The following SLC19A1 variants were observed in gnomAD, a reference collection of about 807,000 sequenced individuals.
The protein encoded by SLC19A1 is solute carrier family 19 member 1, also known as reduced folate transporter.
A neutral mutation model predicts 35.3 loss-of-function variants in SLC19A1; 37 were observed. The observed-to-expected ratio is 1.05, with a 90% CI of 0.81 to 1.38. The LOEUF (loss-of-function observed/expected upper bound fraction) is 1.38, where lower values mean the gene tolerates loss of function less well. Among genes scored for constraint, SLC19A1 ranks in the 40% most tolerant of loss-of-function variants. SLC19A1 has a pLI of 0.00. For synonymous variants in SLC19A1, 460 were observed against 398.5 expected, an observed-to-expected ratio of 1.15 and a Z score of -1.84; for missense variants, 831 against 826.9, an observed-to-expected ratio of 1.00 and a Z score of -0.06.
intron 3 of SLC19A1, among the ~76,000 whole-genome samples, chr21:45,504,793 G>T (rs767646662): frequency 1.3e-5 from 2 of 152,114 alleles, no homozygotes; most frequent in Admixed American, 6.5e-5. Flanking sequence ...CCTCCTGCTG[G>T]GGCCACGTGC....
At chr21:45,509,634 T>C (rs961598446), downstream of SLC19A1, 13 of 1,158,010 alleles carry the variant, frequency 1.1e-5, no homozygotes, top group Admixed American at 1.8e-4. Context: ...CTTGGCTCCA[T>C]CTAGCCCCTC....
At chr21:45,558,680 C>T (rs557941225) in intron 1 of SLC19A1, among the ~76,000 whole-genome samples, 7 of 152,246 alleles carry the variant, frequency 4.6e-5, no homozygotes, top group South Asian at 2.1e-4. Context: ...CTGAGGGAGT[C>T]GGGGCAGCCT....
At position 45,533,955 on chromosome 21, in the gene SLC19A1, C is replaced by A. The variant is rs2078021909; in HGVS notation, c.190-1807G>T. Among the ~76,000 whole-genome samples the A allele has an allele frequency of 6.6e-6, 1 of 152,022 alleles. No individual in the cohort carries two copies. Among genetic ancestry groups the A allele is most frequent in the South Asian group, 2.1e-4 (1 of 4,822 alleles). On this transcript the variant is annotated intron_variant, in intron 2 of 5. Coordinates refer to ENST00000311124, the MANE Select transcript of SLC19A1 (RefSeq NM_194255.4). This position sits in a 1 kb window ranked among gnomAD's most constrained non-coding sequence, Gnocchi z 4.5. ...TTCCCAGGGGCTCAGGGGAAGGCTGCCCAGAGACCCCACCTCAGGGCACCC... is the reference window on the plus strand; with the variant it reads ...TTCCCAGGGGCTCAGGGGAAGGCTGACCAGAGACCCCACCTCAGGGCACCC...
At position 45,554,605 on chromosome 21, in the gene SLC19A1, G is replaced by C. The variant is rs116061023; in HGVS notation, c.-50+8137C>G. On this transcript the variant is annotated intron_variant, in intron 1 of 5. Coordinates refer to the SLC19A1 transcript ENST00000650808. ...TGCCTGGCCAGGGGCACTCAGCATC[G>C]TGTCTCCAGGTCCCTGCACGGGGCA... Among the ~76,000 whole-genome samples the C allele has an allele frequency of 6.7e-3, 956 of 142,680 alleles. 8 individuals are homozygous for C. Among genetic ancestry groups the C allele is most frequent in the African/African-American group, 0.024 (890 of 37,528 alleles). The allele number at this position is 142,680 out of a possible 152,430, so 93.6% of individuals were successfully genotyped here.
Position 45,530,792 on chromosome 21 carries a change from G to T in SLC19A1, c.1129C>A (p.Gln377Lys). Residue 377 changes from glutamine (Q) to lysine (K), a missense_variant, in exon 4 of 6, where the codon CAG (glutamine) becomes AAG (lysine). By Grantham distance (53) the Gln-to-Lys change is moderately conservative. Transcript: ENST00000311124. This position sits in a 1 kb window ranked among gnomAD's most constrained non-coding sequence, Gnocchi z 5.3. The part of the protein sequence containing the change: ...AAFVLFRGSY[Q>K]FLVPIATFQI... ...CACGTGGCGATGGGCACGAGGAACT[G>T]GTAGGAGCCGCGGAACAGCACGAAG... 4.5e-6 allele frequency: 7 copies of T among 1,564,090 alleles called. No homozygotes were observed. Among genetic ancestry groups the T allele is most frequent in the Non-Finnish European group, 6.1e-6 (7 of 1,154,666 alleles).
intron 5 of SLC19A1, among the ~76,000 whole-genome samples, chr21:45,520,635 A>G (rs908235247): frequency 1.3e-5 from 2 of 152,234 alleles, no homozygotes; most frequent in Non-Finnish European, 2.9e-5. Context: ...ATGTCACTGC[A>G]TTTGAAGACA....
intron 3 of SLC19A1, chr21:45,505,246 G>A (rs1294712343): frequency 5.0e-6 from 8 of 1,605,420 alleles, no homozygotes; most frequent in East Asian, 2.2e-5. Flanking sequence ...GGCCCCCCAG[G>A]GCCCCCTTCA....
intron 3 of SLC19A1, chr21:45,506,704 C>G: frequency 6.1e-6 from 1 of 164,870 alleles, no homozygotes. Context: ...AGCCCTGACT[C>G]CTGGAGCCCT....
chr21:45,506,020 C>T, intron 3 of SLC19A1: 1 of 1,611,760 alleles, frequency 6.2e-7, no homozygotes, highest in Non-Finnish European at 8.5e-7. Context: ...AAGCCGCCTC[C>T]TGGGGCTTAA....
At chr21:45,504,596 G>A (rs776297589) in intron 3 of SLC19A1, 2 of 1,544,794 alleles carry the variant, frequency 1.3e-6, no homozygotes, top group South Asian at 1.2e-5. Context: ...ATGTCCCAGG[G>A]GTCTGGGTGC....
chr21:45,502,805 T>TGGGAAGGGCAGGACGCTGGGA (rs1169869052), intron 3 of SLC19A1: 2 of 151,984 alleles, frequency 1.3e-5, no homozygotes, highest in East Asian at 3.9e-4. Context: ...AGAGGAGAGA[T>TGGGAAGGGCAGGACGCTGGGA]GGGAAGGGCA....
chr21:45,504,408 G>A lies in SLC19A1; in HGVS notation c.498-5796C>T, dbSNP rs116618591. On this transcript the variant is annotated intron_variant, in intron 3 of 4. Transcript: ENST00000417954. Reference sequence around the variant, plus strand: ...GGGCTCCCGTGTAACAAGTGTTTCCGTCCACAGGGGGAGAAGGGAGACCGA... The same window carrying A: ...GGGCTCCCGTGTAACAAGTGTTTCCATCCACAGGGGGAGAAGGGAGACCGA... The A allele has an allele frequency of 0.016, 26,357 of 1,610,564 alleles. 312 individuals carry two copies. Among genetic ancestry groups the A allele is most frequent in the Middle Eastern group, 0.034 (206 of 5,984 alleles).
rs2037674418 is a variant in SLC19A1 at position 45,512,566 on chromosome 21, G to T, written c.*3092C>A. On this transcript the variant is annotated 3_prime_UTR_variant, in exon 6 of 6. Transcript: ENST00000311124. Reference sequence around the variant, plus strand: ...AAGAAATAAAAGGAAGCCAAAGAGTGTATTTTTTTAAAAGTTTAAAACAGA... The same window carrying T: ...AAGAAATAAAAGGAAGCCAAAGAGTTTATTTTTTTAAAAGTTTAAAACAGA... 4.4e-6 allele frequency: 3 copies of T among 683,642 alleles called. No homozygotes were observed. The African/African-American group carries it at 5.4e-5, about 12-fold the overall frequency. The allele number at this position is 683,642 out of a possible 1,614,324, so 42.3% of individuals were successfully genotyped here.
Position 45,540,111 on chromosome 21 carries a change from G to C in SLC19A1, c.-49-2103C>G, listed in dbSNP as rs2078257015. On this transcript the variant is annotated intron_variant, in intron 1 of 5. Transcript: ENST00000311124. The surrounding 1 kb of genome is among the most constrained non-coding windows in gnomAD (Gnocchi z 5.5). ...CAGCTGGGAAGATCAGTGCACAAAGGTTGGGCTCCATCACCAGGGACCCTG... is the reference window on the plus strand; with the variant it reads ...CAGCTGGGAAGATCAGTGCACAAAGCTTGGGCTCCATCACCAGGGACCCTG... Among the ~76,000 whole-genome samples the C allele has an allele frequency of 6.6e-6, 1 of 152,150 alleles. No individual in the cohort carries two copies. Among genetic ancestry groups the C allele is most frequent in the Non-Finnish European group, 1.5e-5 (1 of 68,008 alleles).
intron 1 of SLC19A1, among the ~76,000 whole-genome samples, chr21:45,559,096 C>T (rs982057193): frequency 6.6e-6 from 1 of 152,098 alleles, no homozygotes; most frequent in Non-Finnish European, 1.5e-5. Context: ...CATGAGCCAC[C>T]GTGCCTGGCC....
chr21:45,549,336 G>A (rs948076744), upstream of SLC19A1, among the ~76,000 whole-genome samples: 9 of 152,004 alleles, frequency 5.9e-5, no homozygotes, highest in Admixed American at 1.3e-4. Flanking sequence ...GTGGAGGCTC[G>A]GGGTCAGTGG....
At chr21:45,553,117 C>A (rs2078483797) in intron 1 of SLC19A1, among the ~76,000 whole-genome samples, 1 of 152,092 alleles carries the variant, frequency 6.6e-6, no homozygotes, top group African/African-American at 2.4e-5. Flanking sequence ...GGGGGCCTCG[C>A]TGGAGGCTGG....
At chr21:45,560,061 G>A (rs1408491640) in intron 1 of SLC19A1, among the ~76,000 whole-genome samples, 1 of 151,580 alleles carries the variant, frequency 6.6e-6, no homozygotes, top group Non-Finnish European at 1.5e-5. Flanking sequence ...CTCCCAAAAT[G>A]TAGGAAACTG....
intron 3 of SLC19A1, 21 bp downstream of exon 3, chr21:45,531,368 C>T: frequency 6.5e-7 from 1 of 1,546,196 alleles, no homozygotes; most frequent in Non-Finnish European, 8.7e-7. Context: ...GAAGAAGCCT[C>T]GGGGACCAGG....
Sources: allele counts gnomAD v4.1 joint callset (sites outside exome capture counted in the v4.1 genomes callset), GRCh38; gene constraint gnomAD v4.1.1; non-coding constraint Gnocchi (gnomAD v3.1); transcripts MANE v1.5; gene names NCBI Gene and HGNC (gene_info 2026-07-23, HGNC 2026-07-21).